Variants in IQSEC1 observed in about 807,000 individuals in gnomAD.
The protein encoded by IQSEC1 is IQ motif and SEC7 domain-containing protein 1.
A neutral mutation model predicts 91.0 loss-of-function variants in IQSEC1; 31 were observed. That is an observed-to-expected ratio of 0.34 (90% CI 0.26 to 0.46). The LOEUF (loss-of-function observed/expected upper bound fraction) is 0.46. Among genes scored for constraint, IQSEC1 ranks in the 20% least tolerant of loss-of-function variants. IQSEC1 has a pLI of 1.00. For missense variants in IQSEC1, 1,388 were observed against 1,575.6 expected, an observed-to-expected ratio of 0.88 and a Z score of 2.02; for synonymous variants, 699 against 662.6, an observed-to-expected ratio of 1.05 and a Z score of -0.84.
intron 1 of IQSEC1, among the ~76,000 whole-genome samples, chr3:12,982,321 T>C (rs1439364780): frequency 1.3e-5 from 2 of 152,220 alleles, no homozygotes; most frequent in East Asian, 3.8e-4. Context: ...GGGTGTGATA[T>C]CTATCATCAT....
At chr3:13,240,945 GTCT>G (rs1187835185) in intron 1 of IQSEC1, among the ~76,000 whole-genome samples, 2 of 152,190 alleles carry the variant, frequency 1.3e-5, no homozygotes, top group Non-Finnish European at 2.9e-5. Flanking sequence ...AAAAACAGAA[GTCT>G]TCTTCCTTCT....
chr3:13,222,292 G>A (rs982947232), intron 1 of IQSEC1, among the ~76,000 whole-genome samples: 1 of 152,188 alleles, frequency 6.6e-6, no homozygotes, highest in African/African-American at 2.4e-5. Context: ...GTTCATCCCT[G>A]TTGCAGCGCA....
chr3:12,909,312 T>C lies in IQSEC1; in HGVS notation c.2539A>G (p.Ile847Val), dbSNP rs181893318. ...TTCTCCATCTCTTGGACTTCCGCAA[T>C]GGACTCCCGCAGGTCATCGGTGAAT... is the stretch of plus-strand genomic sequence containing the variant. ...KKFTDDLRES[I>V]AEVQEMEKHR... is the part of the protein sequence containing the mutation. The change falls in exon 11 of 14, where the codon ATT becomes GTT. Residue 847 changes from isoleucine (I) to valine (V), a missense_variant. Physicochemically the swap from Ile to Val is conservative, Grantham distance 29. Around this residue, in one of 2 missense-constraint regions of IQSEC1, gnomAD observed 1,059 missense variants for 1,317.8 expected, o/e 0.80. Transcript: ENST00000613206. The surrounding 1 kb of genome is among the most constrained non-coding windows in gnomAD (Gnocchi z 4.9). 2.4e-5 allele frequency: 39 copies of C among 1,614,212 alleles called. No homozygotes were observed. In the East Asian group the frequency reaches 6.5e-4, roughly 27 times the overall value.
At chr3:13,053,516 T>C (rs1487332182) in intron 1 of IQSEC1, among the ~76,000 whole-genome samples, 2 of 152,208 alleles carry the variant, frequency 1.3e-5, no homozygotes, top group South Asian at 4.1e-4. Flanking sequence ...TGTGTGTTCC[T>C]GAGACGGAAT....
intron 2 of IQSEC1, among the ~76,000 whole-genome samples, chr3:13,122,271 A>G (rs1373866718): frequency 6.6e-6 from 1 of 152,274 alleles, no homozygotes; most frequent in African/African-American, 2.4e-5. Flanking sequence ...CGGAGAGCAC[A>G]GCCCCTGCAA....
At chr3:13,001,347 C>G (rs1274727532) in intron 1 of IQSEC1, among the ~76,000 whole-genome samples, 1 of 152,164 alleles carries the variant, frequency 6.6e-6, no homozygotes, top group East Asian at 1.9e-4. Context: ...TTTCATGTTC[C>G]CTATCTGGAA....
At chr3:13,075,758 G>T (rs142693096), upstream of IQSEC1, among the ~76,000 whole-genome samples, 1 of 152,180 alleles carries the variant, frequency 6.6e-6, no homozygotes, top group South Asian at 2.1e-4. Flanking sequence ...CTGCACTGGC[G>T]CGGTTTTGAT....
intron 1 of IQSEC1, among the ~76,000 whole-genome samples, chr3:13,204,240 C>A (rs962307749): frequency 6.6e-6 from 1 of 152,262 alleles, no homozygotes; most frequent in African/African-American, 2.4e-5. Context: ...CGACTGTCAT[C>A]GAGGAAAACC....
intron 1 of IQSEC1, among the ~76,000 whole-genome samples, chr3:13,021,871 C>A (rs941558502): frequency 6.6e-5 from 10 of 152,190 alleles, no homozygotes; most frequent in African/African-American, 2.4e-4. Context: ...CGCAGCACAC[C>A]CCCTGGTCAT....
intron 3 of IQSEC1, among the ~76,000 whole-genome samples, chr3:12,931,208 C>T (rs970095713): frequency 6.6e-5 from 10 of 152,140 alleles, no homozygotes; most frequent in Non-Finnish European, 1.2e-4. Context: ...GGCCAGGGCT[C>T]GGGATCCTGG....
chr3:13,166,426 G>A lies in IQSEC1; in HGVS notation c.273-2293C>T, dbSNP rs115153847. 4.5e-3 allele frequency among the ~76,000 whole-genome samples: 686 copies of A among 152,310 alleles called. 8 individuals carry two copies. Among genetic ancestry groups the A allele is most frequent in the African/African-American group, 0.016 (658 of 41,560 alleles). On this transcript the variant is annotated intron_variant, in intron 1 of 15. Transcript: ENST00000648114. ...GCATAGCAGTGCAGTCACGCCAGGA[G>A]CTCCACATTCTGGGACGCCAGGGGA...
intron 2 of IQSEC1, among the ~76,000 whole-genome samples, chr3:13,148,246 A>G (rs1179593268): frequency 2.6e-5 from 4 of 152,092 alleles, no homozygotes; most frequent in African/African-American, 9.7e-5. Context: ...AGAGCACCAT[A>G]GAGACACTCA....
intron 1 of IQSEC1, among the ~76,000 whole-genome samples, chr3:13,164,808 C>G (rs560355201): frequency 6.6e-6 from 1 of 152,224 alleles, no homozygotes; most frequent in African/African-American, 2.4e-5. Flanking sequence ...GCTAAAGCCT[C>G]GCTTGGGCTT....
At chr3:13,134,948 T>C (rs1401054233) in intron 2 of IQSEC1, among the ~76,000 whole-genome samples, 1 of 152,064 alleles carries the variant, frequency 6.6e-6, no homozygotes, top group Non-Finnish European at 1.5e-5. Flanking sequence ...TCCTACACTC[T>C]GCAAGGGGGA....
intron 12 of IQSEC1, among the ~76,000 whole-genome samples, chr3:12,905,504 G>A (rs1353789186): frequency 6.6e-6 from 1 of 152,278 alleles, no homozygotes; most frequent in Non-Finnish European, 1.5e-5. Flanking sequence ...CGCTGCAGCT[G>A]GGGAAACGGG....
chr3:13,024,117 C>T (rs950002714), intron 1 of IQSEC1, among the ~76,000 whole-genome samples: 2 of 152,204 alleles, frequency 1.3e-5, no homozygotes, highest in African/African-American at 4.8e-5. Context: ...TTTATCTGGC[C>T]TGTCCTCCTA....
chr3:13,088,726 C>G (rs1255059462), intron 2 of IQSEC1, among the ~76,000 whole-genome samples: 1 of 152,244 alleles, frequency 6.6e-6, no homozygotes, highest in Admixed American at 6.5e-5. Flanking sequence ...TTATCCTCCT[C>G]CTAACTCTGC....
chr3:13,154,444 T>C lies in IQSEC1; in HGVS notation c.302+9660A>G, dbSNP rs4684915. 6.6e-3 allele frequency among the ~76,000 whole-genome samples: 363 copies of C among 55,364 alleles called. 58 individuals are homozygous for C. The highest frequency in any genetic ancestry group is 0.011 in the Admixed American group (47 of 4,362). 36.3% of individuals were successfully genotyped at this position (55,364 alleles called of 152,430 possible). On this transcript the variant is annotated intron_variant, in intron 2 of 15. Coordinates refer to the IQSEC1 transcript ENST00000648114. ...GGAAGCTGGAACTTACATGCATATA[T>C]ATATATATATATATATATATATATA... is the stretch of plus-strand genomic sequence containing the variant.
At chr3:13,231,852 T>C (rs1694843982) in intron 1 of IQSEC1, among the ~76,000 whole-genome samples, 1 of 152,240 alleles carries the variant, frequency 6.6e-6, no homozygotes, top group Non-Finnish European at 1.5e-5. Context: ...TGTTCATGGT[T>C]TCAGAAACTC....
Sources: gnomAD v4.1 joint callset for allele counts (sites outside exome capture counted in the v4.1 genomes callset) on GRCh38, gnomAD v4.1.1 for gene constraint, gnomAD v4.1.1 regional missense constraint, Gnocchi (gnomAD v3.1) non-coding constraint, MANE v1.5 for transcripts, NCBI Gene and HGNC (gene_info 2026-07-23, HGNC 2026-07-21) for gene names.